Variants in NFATC1 observed in about 807,000 individuals in gnomAD.
The protein encoded by NFATC1 is nuclear factor of activated T cells 1.
A neutral mutation model predicts 76.0 loss-of-function variants in NFATC1; 22 were observed. The ratio of observed to expected loss-of-function variants is 0.29; its 90% CI spans 0.21 to 0.41. The LOEUF (loss-of-function observed/expected upper bound fraction) is 0.41, where lower values mean the gene tolerates loss of function less well. Ranked by LOEUF, NFATC1 falls within the 10% of genes least tolerant of loss-of-function variation. The probability of loss-of-function intolerance (pLI) is 1.00; values close to 1 mark genes in which losing one functional copy is unlikely to be tolerated. For missense variants in NFATC1, 1,357 were observed against 1,337.7 expected, an observed-to-expected ratio of 1.01 and a Z score of -0.23; for synonymous variants, 704 against 613.1, an observed-to-expected ratio of 1.15 and a Z score of -2.19.
intron 9 of NFATC1, 50 bp from the exon 10 acceptor site, chr18:79,527,478 G>C (rs886376903): frequency 6.7e-7 from 1 of 1,500,390 alleles, no homozygotes; most frequent in African/African-American, 1.4e-5. Flanking sequence ...GCGTTGCTTT[G>C]ATGTTTATGG....
intron 9 of NFATC1, among the ~76,000 whole-genome samples, chr18:79,487,545 T>TG (rs1354346075): frequency 1.3e-5 from 2 of 152,190 alleles, no homozygotes; most frequent in Admixed American, 6.5e-5. Context: ...AGCGCGGAGA[T>TG]GCACCCAACA....
In NFATC1 at chr18:79,507,725, C is replaced by T. The variant is rs367906305; in HGVS notation, c.2783-19803C>T. 4.6e-5 allele frequency among the ~76,000 whole-genome samples: 7 copies of T among 152,388 alleles called. No individual in the cohort carries two copies. The East Asian group carries it at 1.3e-3, about 29-fold the overall frequency. ...CCCACCCGTGATGTGTTGCAAGAAG[C>T]CTCACGAGTCAGTAAAGAAAAACCT... On this transcript the variant is annotated intron_variant, in intron 9 of 9. Coordinates refer to ENST00000427363, the MANE Select transcript of NFATC1 (RefSeq NM_001278669.2).
intron 3 of NFATC1, among the ~76,000 whole-genome samples, chr18:79,444,170 G>C (rs2087097630): frequency 6.6e-6 from 1 of 152,132 alleles, no homozygotes; most frequent in Non-Finnish European, 1.5e-5. Context: ...TGGTGCCAGT[G>C]GGTCAGAGGC....
In NFATC1 at chr18:79,395,967, C is replaced by T. The variant is rs1393759607; in HGVS notation, c.-258C>T. The T allele has an allele frequency of 1.5e-5, 3 of 206,224 alleles. No individual in the cohort carries two copies. Among genetic ancestry groups the T allele is most frequent in the African/African-American group, 4.7e-5 (2 of 42,930 alleles). 12.8% of individuals were successfully genotyped at this position (206,224 alleles called of 1,614,324 possible). ...GACTCAGAGGCTCCGAACTCGCCGGCGGAGTCGCCGCGCCAGATCCCAGCA... is the reference window on the plus strand; with the variant it reads ...GACTCAGAGGCTCCGAACTCGCCGGTGGAGTCGCCGCGCCAGATCCCAGCA... On this transcript the variant is annotated 5_prime_UTR_variant, in exon 1 of 10. Transcript: ENST00000427363.
intron 9 of NFATC1, among the ~76,000 whole-genome samples, chr18:79,511,036 C>T (rs920304618): frequency 6.6e-6 from 1 of 152,198 alleles, no homozygotes; most frequent in Non-Finnish European, 1.5e-5. Context: ...CGTGGGCCCG[C>T]GGTGTCTGTC....
At chr18:79,443,596 C>T (rs750873472) in intron 3 of NFATC1, among the ~76,000 whole-genome samples, 12 of 152,248 alleles carry the variant, frequency 7.9e-5, no homozygotes, top group African/African-American at 1.2e-4. Context: ...TATGTAACCT[C>T]CGCCGTTCAG....
chr18:79,464,237 C>T (rs541685500), intron 7 of NFATC1, among the ~76,000 whole-genome samples: 45 of 152,120 alleles, frequency 3.0e-4, no homozygotes, highest in African/African-American at 9.9e-4. Context: ...CTACAGGCGC[C>T]GGCCACTATG....
At chr18:79,490,302 G>A (rs1433957995) in intron 9 of NFATC1, among the ~76,000 whole-genome samples, 3 of 151,402 alleles carry the variant, frequency 2.0e-5, no homozygotes, top group Non-Finnish European at 4.4e-5. Context: ...CCCGCTCTGG[G>A]TTAGGACAGG....
intron 9 of NFATC1, among the ~76,000 whole-genome samples, chr18:79,521,554 G>GA (rs2090571098): frequency 9.0e-6 from 1 of 111,678 alleles, no homozygotes; most frequent in Non-Finnish European, 1.8e-5. Flanking sequence ...TGTGTGGGGG[G>GA]GCATCCACTG....
chr18:79,426,428 C>T lies in NFATC1; in HGVS notation c.1227-7151C>T, dbSNP rs1379597636. Among the ~76,000 whole-genome samples the T allele has an allele frequency of 5.3e-5, 8 of 152,210 alleles. No homozygotes were observed. The South Asian group carries it at 8.3e-4, about 16-fold the overall frequency. On this transcript the variant is annotated intron_variant, in intron 2 of 9. Transcript: ENST00000427363. ...ACGGGGGCCACTGTCCTCCATGCCA[C>T]GTCCCATGCCGCTTCCACCGCAGCG...
chr18:79,410,128 G>A lies in NFATC1; in HGVS notation c.128-275G>A. 1.3e-6 allele frequency: 1 copy of A among 749,694 alleles called. No individual in the cohort carries two copies. The highest frequency in any genetic ancestry group is 2.4e-6 in the Non-Finnish European group (1 of 409,126). 46.4% of individuals were successfully genotyped at this position (749,694 alleles called of 1,614,324 possible). A position where few individuals can be genotyped will look rare whatever the true frequency, so the allele number is the denominator to read the frequency against. On this transcript the variant is annotated intron_variant, in intron 1 of 9. Coordinates refer to ENST00000427363, the MANE Select transcript of NFATC1 (RefSeq NM_001278669.2). The surrounding 1 kb of genome is among the most constrained non-coding windows in gnomAD (Gnocchi z 6.7). Reference sequence around the variant, plus strand: ...CGTGAGGACCCGGCCGCCTCTCCCTGGGAAGGACGTTCGGGGGCTTGTGCT... The same window carrying A: ...CGTGAGGACCCGGCCGCCTCTCCCTAGGAAGGACGTTCGGGGGCTTGTGCT...
chr18:79,469,823 C>T (rs1428981634), intron 8 of NFATC1: 1 of 983,808 alleles, frequency 1.0e-6, no homozygotes, highest in East Asian at 1.1e-4. Context: ...GCCCCACCAG[C>T]CCCCAGGGGC....
chr18:79,406,335 AG>A (rs898589360), intron 1 of NFATC1, among the ~76,000 whole-genome samples: 2 of 152,110 alleles, frequency 1.3e-5, no homozygotes, highest in Admixed American at 1.3e-4. Flanking sequence ...CTGGACAGTG[AG>A]GGGAAGTGTG....
At chr18:79,493,200 A>G (rs2089742902) in intron 9 of NFATC1, among the ~76,000 whole-genome samples, 1 of 152,224 alleles carries the variant, frequency 6.6e-6, no homozygotes, top group South Asian at 2.1e-4. Context: ...CGCATCGTGG[A>G]GAAGGGCCGT....
At chr18:79,502,604 A>G (rs1158564016) in intron 9 of NFATC1, among the ~76,000 whole-genome samples, 1 of 152,258 alleles carries the variant, frequency 6.6e-6, no homozygotes, top group African/African-American at 2.4e-5. Flanking sequence ...TCCAGAATAT[A>G]CAAAGAACAC....
At chr18:79,519,426 G>A (rs1444746068) in intron 9 of NFATC1, among the ~76,000 whole-genome samples, 1 of 152,044 alleles carries the variant, frequency 6.6e-6, no homozygotes, top group Non-Finnish European at 1.5e-5. Context: ...TCAACCTCCT[G>A]GGCTCAAGCC....
intron 4 of NFATC1, among the ~76,000 whole-genome samples, chr18:79,450,144 G>C (rs543157413): frequency 6.6e-6 from 1 of 152,294 alleles, no homozygotes; most frequent in East Asian, 1.9e-4. Flanking sequence ...AGCCAGGACC[G>C]CGCTCCAGCC....
chr18:79,409,957 G>A (rs1432498470), intron 1 of NFATC1: 2 of 513,432 alleles, frequency 3.9e-6, no homozygotes, highest in African/African-American at 3.8e-5. Flanking sequence ...TGAGTTTGGG[G>A]TTTAAATGAA....
chr18:79,486,628 C>T lies in NFATC1; in HGVS notation c.2473C>T (p.Gln825Ter). Reference sequence around the variant, plus strand: ...GCCACCCCCGGCCCTGCTGCCACAGCAGGTGAGTGCGCCTCCAAGCAGTAG... The same window carrying T: ...GCCACCCCCGGCCCTGCTGCCACAGTAGGTGAGTGCGCCTCCAAGCAGTAG... ...GQPPPALLPQ[Q>*]VSAPPSSSCP... is the part of the protein sequence containing the mutation. The change falls in exon 9 of 10, where the codon CAG (glutamine) becomes TAG (stop). Residue 825 changes from glutamine to a stop codon, truncating the protein, a stop_gained. Coordinates refer to ENST00000427363, the MANE Select transcript of NFATC1 (RefSeq NM_001278669.2). LOFTEE classifies it high-confidence loss of function. 8.7e-6 allele frequency: 14 copies of T among 1,601,082 alleles called. No individual in the cohort carries two copies. The highest frequency in any genetic ancestry group is 1.1e-5 in the Non-Finnish European group (13 of 1,177,228).
Sources: allele counts gnomAD v4.1 joint callset (sites outside exome capture counted in the v4.1 genomes callset), GRCh38; gene constraint gnomAD v4.1.1; non-coding constraint Gnocchi (gnomAD v3.1); transcripts MANE v1.5; gene names NCBI Gene and HGNC (gene_info 2026-07-23, HGNC 2026-07-21).